Variants in TTC28 observed in about 807,000 individuals in gnomAD.
TTC28 encodes tetratricopeptide repeat domain 28.
Under a neutral mutation model 198.0 loss-of-function variants are expected in TTC28, and 61 were observed. The ratio of observed to expected loss-of-function variants is 0.31; its 90% CI spans 0.25 to 0.38. The LOEUF is 0.38. Among genes scored for constraint, TTC28 ranks in the 10% least tolerant of loss-of-function variants. TTC28 has a pLI of 1.00. For synonymous variants in TTC28, 1,171 were observed against 1,297.8 expected (o/e 0.90, Z 2.10); for missense variants, 2,678 against 3,164.0 (o/e 0.85, Z 3.69).
intron 2 of TTC28, among the ~76,000 whole-genome samples, chr22:28,479,241 ATTCT>A (rs1475257760): frequency 6.6e-6 from 1 of 152,212 alleles, no homozygotes; most frequent in African/African-American, 2.4e-5. Flanking sequence ...ACCCAATCAA[ATTCT>A]TTCTTGAAAA....
At chr22:28,348,045 C>T (rs2045935909) in intron 2 of TTC28, among the ~76,000 whole-genome samples, 1 of 152,248 alleles carries the variant, frequency 6.6e-6, no homozygotes. Flanking sequence ...AGGAAAGAGC[C>T]TGGCACATGC....
intron 3 of TTC28, among the ~76,000 whole-genome samples, chr22:28,304,241 C>T (rs1254243054): frequency 1.3e-5 from 2 of 151,310 alleles, no homozygotes; most frequent in African/African-American, 2.4e-5. Flanking sequence ...GCCGAGATGG[C>T]GCCACTGCAC....
chr22:28,342,662 TATGAAAAATC>T (rs1418013289), intron 2 of TTC28, among the ~76,000 whole-genome samples: 2 of 152,174 alleles, frequency 1.3e-5, no homozygotes, highest in African/African-American at 4.8e-5. Flanking sequence ...CATACGCATA[TATGAAAAATC>T]ATGTGTTAAG....
At chr22:28,506,795 A>AC (rs1290278012) in intron 2 of TTC28, among the ~76,000 whole-genome samples, 6 of 152,134 alleles carry the variant, frequency 3.9e-5, no homozygotes, top group Non-Finnish European at 8.8e-5. Flanking sequence ...TCTGGAGCAG[A>AC]CCCCCAGCAA....
intron 14 of TTC28, among the ~76,000 whole-genome samples, chr22:28,010,912 G>A (rs1362226496): frequency 1.3e-5 from 2 of 152,110 alleles, no homozygotes; most frequent in Non-Finnish European, 2.9e-5. Context: ...TTTACTGACC[G>A]CCAACGTGTA....
Position 28,388,554 on chromosome 22 carries a change from C to T in TTC28, c.382-81911G>A, listed in dbSNP as rs560866857. 2.0e-5 allele frequency among the ~76,000 whole-genome samples: 3 copies of T among 152,224 alleles called. No homozygotes were observed. In the South Asian group the frequency reaches 6.2e-4, roughly 32 times the overall value. On this transcript the variant is annotated intron_variant, in intron 2 of 22. Coordinates refer to ENST00000397906, the MANE Select transcript of TTC28 (RefSeq NM_001145418.2). ...GGTTTGTAGTTCTCCTTAAAGAGGT[C>T]CTTCACATCCCTTGTAATTTGGATT...
chr22:28,119,948 C>T (rs1354089489), intron 6 of TTC28, among the ~76,000 whole-genome samples: 1 of 152,190 alleles, frequency 6.6e-6, no homozygotes, highest in African/African-American at 2.4e-5. Flanking sequence ...CGTTTACTGA[C>T]TGATCCTCCT....
At chr22:28,559,674 C>T (rs977027991) in intron 2 of TTC28, among the ~76,000 whole-genome samples, 14 of 152,212 alleles carry the variant, frequency 9.2e-5, no homozygotes, top group Non-Finnish European at 8.8e-5. Flanking sequence ...TTTGACACAA[C>T]GGGTCATTCT....
At chr22:28,271,030 T>C (rs1438401944) in intron 5 of TTC28, among the ~76,000 whole-genome samples, 2 of 152,208 alleles carry the variant, frequency 1.3e-5, no homozygotes, top group African/African-American at 4.8e-5. Context: ...AGCTATCAAT[T>C]TGACTGATAA....
chr22:28,230,320 G>A (rs1284164206), intron 5 of TTC28, among the ~76,000 whole-genome samples: 1 of 152,216 alleles, frequency 6.6e-6, no homozygotes, highest in African/African-American at 2.4e-5. Flanking sequence ...TCAAGGATGA[G>A]CAGTATTCCA....
chr22:28,501,037 C>T (rs1202688521), intron 2 of TTC28, among the ~76,000 whole-genome samples: 1 of 152,116 alleles, frequency 6.6e-6, no homozygotes, highest in Non-Finnish European at 1.5e-5. Context: ...ACATCTTGAA[C>T]AATATTCCTC....
At chr22:28,600,246 C>CA (rs71316849) in intron 2 of TTC28, among the ~76,000 whole-genome samples, 1,937 of 144,704 alleles carry the variant, frequency 0.013, 42 homozygotes, top group African/African-American at 0.04. Context: ...AGATTGAAAA[C>CA]AAAAAAAAAA....
chr22:28,093,375 G>A (rs771433399), intron 12 of TTC28, among the ~76,000 whole-genome samples: 10 of 152,318 alleles, frequency 6.6e-5, no homozygotes, highest in Non-Finnish European at 1.5e-4. Context: ...CAGATTCTCT[G>A]ACACACAGAT....
In TTC28 at chr22:28,009,160, T is replaced by C. The variant is rs548983462; in HGVS notation, c.4218+5088A>G. ...ATAAGCGGACATGCTCACCCCATCC[T>C]GACAGCAAAGGACAGCGTGGTTCCA... On this transcript the variant is annotated intron_variant, in intron 14 of 22. Transcript: ENST00000397906. Among the ~76,000 whole-genome samples, 8 of 152,332 alleles carry C rather than the reference T, an allele frequency of 5.3e-5. No homozygotes were observed. The South Asian group carries it at 1.7e-3, about 32-fold the overall frequency.
At chr22:28,531,852 T>C (rs144957053) in intron 2 of TTC28, among the ~76,000 whole-genome samples, 3,501 of 152,302 alleles carry the variant, frequency 0.023, 59 homozygotes, top group Non-Finnish European at 0.032. Flanking sequence ...AGATGTTCTT[T>C]GAAACCAATG....
chr22:28,563,026 G>C (rs1386138386), intron 2 of TTC28, among the ~76,000 whole-genome samples: 1 of 152,098 alleles, frequency 6.6e-6, no homozygotes, highest in Non-Finnish European at 1.5e-5. Flanking sequence ...AGGAGGGTGA[G>C]GCAGGAGGGT....
chr22:28,407,548 T>C (rs141510079), intron 2 of TTC28, among the ~76,000 whole-genome samples: 2 of 152,300 alleles, frequency 1.3e-5, no homozygotes, highest in East Asian at 3.9e-4. Context: ...TTGTCTTGAT[T>C]TTCTATACAG....
intron 21 of TTC28, among the ~76,000 whole-genome samples, chr22:27,989,411 G>A (rs1325617251): frequency 6.6e-6 from 1 of 152,132 alleles, no homozygotes; most frequent in Non-Finnish European, 1.5e-5. Flanking sequence ...AGTCTAGCAG[G>A]TTCATGTTAA....
intron 5 of TTC28, among the ~76,000 whole-genome samples, chr22:28,247,643 G>A (rs1374296015): frequency 1.3e-5 from 2 of 152,190 alleles, no homozygotes; most frequent in Non-Finnish European, 2.9e-5. Context: ...AAATAGAGAA[G>A]CTTTGCTGGG....
Sources: allele counts gnomAD v4.1 joint callset (sites outside exome capture counted in the v4.1 genomes callset), GRCh38; gene constraint gnomAD v4.1.1; transcripts MANE v1.5; gene names NCBI Gene and HGNC (gene_info 2026-07-23, HGNC 2026-07-21).